The following TMEM132C variants were observed in gnomAD, a reference collection of about 807,000 sequenced individuals.
The protein encoded by TMEM132C is transmembrane protein 132C, also known as protein phosphatase 1, regulatory subunit 152.
A neutral mutation model predicts 61.4 loss-of-function variants in TMEM132C; 29 were observed. The observed-to-expected ratio is 0.47, with a 90% CI of 0.35 to 0.64. The LOEUF (loss-of-function observed/expected upper bound fraction) is 0.64, where lower values mean the gene tolerates loss of function less well. Among genes scored for constraint, TMEM132C ranks in the 30% least tolerant of loss-of-function variants. TMEM132C has a pLI of 0.00. For synonymous variants in TMEM132C, 656 were observed against 633.1 expected (o/e 1.04, Z -0.54); for missense variants, 1,408 against 1,476.9 (o/e 0.95, Z 0.76).
chr12:128,311,882 T>C (rs377093248), intron 1 of TMEM132C, among the ~76,000 whole-genome samples: 1 of 152,236 alleles, frequency 6.6e-6, no homozygotes, highest in East Asian at 1.9e-4. Context: ...CCGTTGACGG[T>C]GCAGGGGTGA....
At position 128,267,202 on chromosome 12, in the gene TMEM132C, G is replaced by GCGGAGCCGGAGCCGCCAGAGC. The variant is rs1555248495; in HGVS notation, c.-199_-179dup. ...TGTCCCGGCCGGAGCGCGAGCAGCG[G>GCGGAGCCGGAGCCGCCAGAGC]CGGAGCCGGAGCCGCCAGAGCCAGA... On this transcript the variant is annotated 5_prime_UTR_variant, in exon 1 of 9. Transcript: ENST00000435159. 3.4e-5 allele frequency among the ~76,000 whole-genome samples: 5 copies of GCGGAGCCGGAGCCGCCAGAGC among 147,070 alleles called. No homozygotes were observed. The highest frequency in any genetic ancestry group is 1.2e-4 in the African/African-American group (5 of 40,920).
intron 1 of TMEM132C, among the ~76,000 whole-genome samples, chr12:128,410,211 A>G (rs1868487392): frequency 6.6e-6 from 1 of 152,136 alleles, no homozygotes; most frequent in African/African-American, 2.4e-5. Context: ...GAAGAGTTAC[A>G]AGAATAGTGA....
At chr12:128,502,061 C>A (rs1194701964) in intron 2 of TMEM132C, among the ~76,000 whole-genome samples, 1 of 152,192 alleles carries the variant, frequency 6.6e-6, no homozygotes, top group Non-Finnish European at 1.5e-5. Flanking sequence ...TAGCTACATG[C>A]CAAATATTTA....
At chr12:128,479,049 A>G (rs1441231438) in intron 2 of TMEM132C, among the ~76,000 whole-genome samples, 1 of 152,186 alleles carries the variant, frequency 6.6e-6, no homozygotes, top group East Asian at 1.9e-4. Context: ...CAAGAACAAC[A>G]TCATGTCCTT....
At chr12:128,375,520 T>C (rs565096294) in intron 1 of TMEM132C, among the ~76,000 whole-genome samples, 1 of 152,228 alleles carries the variant, frequency 6.6e-6, no homozygotes, top group East Asian at 1.9e-4. Context: ...GTGTCTCTCC[T>C]CTGTGTCTGT....
chr12:128,316,471 C>T (rs963809144), intron 1 of TMEM132C, among the ~76,000 whole-genome samples: 2 of 152,152 alleles, frequency 1.3e-5, no homozygotes, highest in Non-Finnish European at 2.9e-5. Flanking sequence ...GGGAGTTCAG[C>T]AGGCATCCCA....
chr12:128,684,540 A>G (rs777135571), intron 5 of TMEM132C, among the ~76,000 whole-genome samples: 1 of 152,208 alleles, frequency 6.6e-6, no homozygotes, highest in Non-Finnish European at 1.5e-5. Flanking sequence ...CAGGCAGCTC[A>G]TTAGCGCTGC....
intron 4 of TMEM132C, among the ~76,000 whole-genome samples, chr12:128,640,483 G>A (rs1409321913): frequency 6.6e-6 from 1 of 152,068 alleles, no homozygotes; most frequent in Non-Finnish European, 1.5e-5. Context: ...AGGGACTGGG[G>A]GCAACTCACA....
At chr12:128,697,015 G>A (rs1428290758) in intron 7 of TMEM132C, among the ~76,000 whole-genome samples, 1 of 152,164 alleles carries the variant, frequency 6.6e-6, no homozygotes, top group Non-Finnish European at 1.5e-5. Context: ...TTTTTAACAG[G>A]TAGAATTAAG....
chr12:128,450,742 A>G (rs1870151222), intron 2 of TMEM132C, among the ~76,000 whole-genome samples: 1 of 152,230 alleles, frequency 6.6e-6, no homozygotes, highest in African/African-American at 2.4e-5. Flanking sequence ...TTGGTTCTCA[A>G]ATATAGCAAA....
At chr12:128,643,083 C>G (rs1035254257) in intron 4 of TMEM132C, among the ~76,000 whole-genome samples, 1 of 152,168 alleles carries the variant, frequency 6.6e-6, no homozygotes, top group African/African-American at 2.4e-5. Context: ...GGCGTCGACG[C>G]ACCAGTTCAC....
intron 1 of TMEM132C, among the ~76,000 whole-genome samples, chr12:128,332,209 G>C (rs950735260): frequency 6.6e-6 from 1 of 152,128 alleles, no homozygotes; most frequent in Non-Finnish European, 1.5e-5. Context: ...GATTTAAAAT[G>C]GTTTCTTAAT....
intron 1 of TMEM132C, among the ~76,000 whole-genome samples, chr12:128,358,080 C>T (rs1873576408): frequency 6.6e-6 from 1 of 152,084 alleles, no homozygotes; most frequent in Non-Finnish European, 1.5e-5. Context: ...CCCTGTGAGC[C>T]ATTCGAGGTT....
At chr12:128,617,558 G>GGT (rs10649198) in intron 4 of TMEM132C, among the ~76,000 whole-genome samples, 8,353 of 152,170 alleles carry the variant, frequency 0.055, 781 homozygotes, top group African/African-American at 0.19. Context: ...AGGTGGGACA[G>GGT]GTGTAGCATC....
chr12:128,598,060 A>G (rs965712384), intron 3 of TMEM132C, among the ~76,000 whole-genome samples: 6 of 152,216 alleles, frequency 3.9e-5, no homozygotes, highest in African/African-American at 1.4e-4. Flanking sequence ...CAGCTTCTCA[A>G]AGACTGTTTC....
In TMEM132C at chr12:128,585,692, G is replaced by T. The variant is rs145720812; in HGVS notation, c.1122-30460G>T. Among the ~76,000 whole-genome samples, 294 of 152,364 alleles carry T rather than the reference G, an allele frequency of 1.9e-3. 2 individuals are homozygous for T. Among genetic ancestry groups the T allele is most frequent in the African/African-American group, 6.5e-3 (269 of 41,584 alleles). Reference sequence around the variant, plus strand: ...AAAGTCAAAGCAGCAAGCAGCGTGTGCGGTGTGCTACTATTTGAGGTTAAA... The same window carrying T: ...AAAGTCAAAGCAGCAAGCAGCGTGTTCGGTGTGCTACTATTTGAGGTTAAA... On this transcript the variant is annotated intron_variant, in intron 3 of 8. Transcript: ENST00000435159.
chr12:128,317,639 C>T (rs1872195900), intron 1 of TMEM132C, among the ~76,000 whole-genome samples: 1 of 152,210 alleles, frequency 6.6e-6, no homozygotes, highest in African/African-American at 2.4e-5. Flanking sequence ...AATCCCAGCA[C>T]TTTGGGAAGC....
chr12:128,441,388 G>A (rs891480595), intron 2 of TMEM132C, among the ~76,000 whole-genome samples: 5 of 152,198 alleles, frequency 3.3e-5, no homozygotes, highest in African/African-American at 1.2e-4. Flanking sequence ...TTCCCCTCAA[G>A]TCATACATGG....
chr12:128,340,712 TCTTTCTTC>T (rs1391742876), intron 1 of TMEM132C, among the ~76,000 whole-genome samples: 2 of 151,054 alleles, frequency 1.3e-5, no homozygotes, highest in African/African-American at 4.9e-5. Flanking sequence ...TCTTTCTTTC[TCTTTCTTC>T]CTTCCTTCCT....
Sources: gnomAD v4.1 joint callset for allele counts (sites outside exome capture counted in the v4.1 genomes callset) on GRCh38, gnomAD v4.1.1 for gene constraint, MANE v1.5 for transcripts, NCBI Gene and HGNC (gene_info 2026-07-23, HGNC 2026-07-21) for gene names.